Variants in SLC8A1 observed in about 807,000 individuals in gnomAD.
SLC8A1 encodes the protein sodium/calcium exchanger 1.
A neutral mutation model predicts 68.3 loss-of-function variants in SLC8A1; 18 were observed. The observed-to-expected ratio is 0.26, with a 90% CI of 0.18 to 0.39. The LOEUF (loss-of-function observed/expected upper bound fraction) is 0.39, where lower values mean the gene tolerates loss of function less well. Ranked by LOEUF, SLC8A1 falls within the 10% of genes least tolerant of loss-of-function variation. The pLI is 1.00. For synonymous variants in SLC8A1, 475 were observed against 415.5 expected (o/e 1.14, Z -1.74); for missense variants, 985 against 1,156.7 (o/e 0.85, Z 2.15).
At chr2:40,389,092 T>C (rs987664844) in intron 2 of SLC8A1, among the ~76,000 whole-genome samples, 3 of 128,444 alleles carry the variant, frequency 2.3e-5, no homozygotes, top group South Asian at 4.9e-4. Context: ...TTTATACATA[T>C]ATTTGAGTGT....
At chr2:40,170,159 G>T in intron 4 of SLC8A1, 122 bp downstream of exon 7, 2 of 840,510 alleles carry the variant, frequency 2.4e-6, no homozygotes, top group Non-Finnish European at 3.8e-6. Context: ...TGCCAGAGAA[G>T]CTGCAGCATT....
chr2:40,431,566 G>A (rs898545294), intron 1 of SLC8A1, among the ~76,000 whole-genome samples: 9 of 152,114 alleles, frequency 5.9e-5, no homozygotes, highest in Admixed American at 5.9e-4. Context: ...CTGGGATGGA[G>A]GTGAGGGGAA....
chr2:40,237,452 C>G (rs1449166001), intron 2 of SLC8A1, among the ~76,000 whole-genome samples: 1 of 152,136 alleles, frequency 6.6e-6, no homozygotes, highest in Non-Finnish European at 1.5e-5. Context: ...GTTTTCAGCT[C>G]CATCAGCTAC....
chr2:40,100,427 G>A (rs1006613374), exon 8 of SLC8A1: 1 of 152,070 alleles, frequency 6.6e-6, no homozygotes, highest in Admixed American at 6.6e-5. Context: ...GGCAAAAGTT[G>A]GGAATGAGGT....
At chr2:40,098,250 C>T (rs1364513249) in exon 8 of SLC8A1, 1 of 151,930 alleles carries the variant, frequency 6.6e-6, no homozygotes, top group East Asian at 1.9e-4. Context: ...AAAGTAACAT[C>T]TAATTTACAA....
At chr2:40,251,098 A>C (rs936880573) in intron 2 of SLC8A1, 10 of 152,172 alleles carry the variant, frequency 6.6e-5, no homozygotes, top group Admixed American at 3.9e-4. Context: ...GAGCCCCTGA[A>C]AATACTGGAT....
intron 1 of SLC8A1, among the ~76,000 whole-genome samples, chr2:40,435,389 A>G (rs1489400423): frequency 1.3e-5 from 2 of 150,156 alleles, no homozygotes; most frequent in Non-Finnish European, 2.9e-5. Context: ...GCCTCAGGCT[A>G]TCAGACCATG....
chr2:40,427,069 T>G (rs1697057496), intron 2 of SLC8A1, among the ~76,000 whole-genome samples: 1 of 151,972 alleles, frequency 6.6e-6, no homozygotes, highest in Non-Finnish European at 1.5e-5. Flanking sequence ...ACATTAGAAT[T>G]AACATAAAAT....
At chr2:40,466,972 T>TAA (rs10642728) in intron 1 of SLC8A1, among the ~76,000 whole-genome samples, 3,851 of 143,820 alleles carry the variant, frequency 0.027, 146 homozygotes, top group African/African-American at 0.084. Context: ...ATGAGTTATC[T>TAA]AAAAAAAAAA....
chr2:40,358,978 G>C (rs1222988253), intron 2 of SLC8A1, among the ~76,000 whole-genome samples: 3 of 152,136 alleles, frequency 2.0e-5, no homozygotes, highest in Non-Finnish European at 4.4e-5. Context: ...AGAAGGTGCG[G>C]GGGTGGATGG....
chr2:40,424,622 A>G (rs1259194589), intron 2 of SLC8A1, among the ~76,000 whole-genome samples: 1 of 151,852 alleles, frequency 6.6e-6, no homozygotes, highest in East Asian at 1.9e-4. Context: ...GTTAAAACAA[A>G]ATTAAGTTTG....
chr2:40,383,728 A>G (rs996675277), intron 2 of SLC8A1, among the ~76,000 whole-genome samples: 1 of 152,082 alleles, frequency 6.6e-6, no homozygotes, highest in African/African-American at 2.4e-5. Flanking sequence ...GATTTTGTCA[A>G]TTTATTTGGC....
chr2:40,141,866 G>A (rs1005900616), intron 6 of SLC8A1, among the ~76,000 whole-genome samples: 7 of 152,164 alleles, frequency 4.6e-5, no homozygotes, highest in African/African-American at 1.7e-4. Context: ...AGATACCAGG[G>A]ATGTGCGTGC....
chr2:40,205,670 A>G (rs564772570), intron 2 of SLC8A1, among the ~76,000 whole-genome samples: 21 of 152,142 alleles, frequency 1.4e-4, no homozygotes, highest in Non-Finnish European at 3.1e-4. Flanking sequence ...GGGAGGAGAG[A>G]GAGGATGAGG....
intron 7 of SLC8A1, among the ~76,000 whole-genome samples, chr2:40,118,884 CT>C (rs1161655510): frequency 2.0e-5 from 3 of 151,982 alleles, no homozygotes; most frequent in African/African-American, 7.2e-5. Flanking sequence ...CTTACCTCCC[CT>C]GGCACCTGAT....
intron 2 of SLC8A1, among the ~76,000 whole-genome samples, chr2:40,339,672 C>T (rs768233451): frequency 6.6e-6 from 1 of 152,200 alleles, no homozygotes; most frequent in Admixed American, 6.5e-5. Flanking sequence ...ATGAATGTCT[C>T]ACACATGCAT....
intron 6 of SLC8A1, among the ~76,000 whole-genome samples, chr2:40,156,397 G>A (rs507705): frequency 0.12 from 18,597 of 148,922 alleles, 1,263 homozygotes; most frequent in Admixed American, 0.18. Flanking sequence ...GTATTCTTTC[G>A]TTATAAAGAT....
intron 2 of SLC8A1, among the ~76,000 whole-genome samples, chr2:40,256,039 T>A (rs977461060): frequency 6.6e-6 from 1 of 152,198 alleles, no homozygotes; most frequent in Non-Finnish European, 1.5e-5. Context: ...TAGTGCTGTA[T>A]GGGAACTCAG....
chr2:40,103,325 G>T (rs1278011884), exon 8 of SLC8A1: 1 of 152,044 alleles, frequency 6.6e-6, no homozygotes, highest in Non-Finnish European at 1.5e-5. Context: ...TGCTAATGAG[G>T]CATCTGAGCT....
Sources: allele counts gnomAD v4.1 joint callset (sites outside exome capture counted in the v4.1 genomes callset), GRCh38; gene constraint gnomAD v4.1.1; transcripts MANE v1.5; gene names NCBI Gene and HGNC (gene_info 2026-07-23, HGNC 2026-07-21).